The following SMIM28 variants were observed in gnomAD, a reference collection of about 807,000 sequenced individuals.
SMIM28 encodes the protein small integral membrane protein 28.
intron 1 of SMIM28, among the ~76,000 whole-genome samples, chr6:138,379,087 A>G (rs1774287475): frequency 6.6e-6 from 1 of 152,222 alleles, no homozygotes; most frequent in African/African-American, 2.4e-5. Context: ...TTGACTAAAA[A>G]AGACATCCTT....
Position 138,378,182 on chromosome 6 carries a change from AG to A in SMIM28, c.111+1del, listed in dbSNP as rs1774276039. The A allele has an allele frequency of 2.5e-6, 1 of 398,510 alleles. No individual in the cohort carries two copies. Among genetic ancestry groups the A allele is most frequent in the African/African-American group, 2.1e-5 (1 of 48,638 alleles). 24.7% of individuals were successfully genotyped at this position (398,510 alleles called of 1,614,324 possible). A position where few individuals can be genotyped will look rare whatever the true frequency, so the allele number is the denominator to read the frequency against. On this transcript the variant is annotated frameshift_variant and splice_region_variant, in exon 1 of 2. Transcript: ENST00000573100. LOFTEE classifies it low-confidence loss of function (END_TRUNC). ...CTGCCTCTCCTGGAGACCCAGCTGC[AG>A]GTCTGTACTTATGACTTAAGTCTTT... Reference protein sequence around the residue: ...PGLPLLETQLQGTQGVSSTQE... With the variant: ...PGLPLLETQLXGTQGVSSTQE...
At position 138,378,188 on chromosome 6, in the gene SMIM28, G is replaced by A. The variant is rs1447313729; in HGVS notation, c.111+5G>A. ...CTCCTGGAGACCCAGCTGCAGGTCT[G>A]TACTTATGACTTAAGTCTTTTCTTC... On this transcript the variant is annotated splice_donor_5th_base_variant and intron_variant, in intron 1 of 1. Coordinates refer to ENST00000573100, the MANE Select transcript of SMIM28 (RefSeq NM_001368163.3). The A allele has an allele frequency of 1.3e-5, 5 of 398,496 alleles. No homozygotes were observed. Among genetic ancestry groups the A allele is most frequent in the African/African-American group, 2.1e-5 (1 of 48,632 alleles). The allele number at this position is 398,496 out of a possible 1,614,324, so 24.7% of individuals were successfully genotyped here.
Position 138,382,768 on chromosome 6 carries a change from A to C in SMIM28, c.380A>C (p.Gln127Pro). The C allele has an allele frequency of 2.5e-6, 1 of 398,612 alleles. No individual in the cohort carries two copies. Among genetic ancestry groups the C allele is most frequent in the Non-Finnish European group, 4.4e-6 (1 of 226,124 alleles). The allele number at this position is 398,612 out of a possible 1,614,324, so 24.7% of individuals were successfully genotyped here. A position where few individuals can be genotyped will look rare whatever the true frequency, so the allele number is the denominator to read the frequency against. Reference protein sequence around the residue: ...PLPPEATLPSQCLPPSYEEAT... With the variant: ...PLPPEATLPSPCLPPSYEEAT... ...CCCCCGGAGGCCACTCTCCCCTCCC[A>C]GTGTTTACCGCCCTCCTACGAAGAG... Residue 127 changes from glutamine to proline, a missense_variant, in exon 2 of 2, where the codon CAG becomes CCG. Coordinates refer to ENST00000573100, the MANE Select transcript of SMIM28 (RefSeq NM_001368163.3).
At chr6:138,382,430 GAA>G (rs59488191) in intron 1 of SMIM28, 68 bp from the exon 2 acceptor site, 38,266 of 306,072 alleles carry the variant, frequency 0.13, 3,399 homozygotes, top group African/African-American at 0.38. Flanking sequence ...AAGAAAGAAA[GAA>G]AAAAAAAAAA....
intron 1 of SMIM28, among the ~76,000 whole-genome samples, chr6:138,378,458 GT>G (rs1173983210): frequency 1.3e-5 from 2 of 152,214 alleles, no homozygotes; most frequent in African/African-American, 4.8e-5. Flanking sequence ...GAAAGCAGCA[GT>G]CAACAGAGGT....
chr6:138,378,445 C>G (rs923803015), intron 1 of SMIM28, among the ~76,000 whole-genome samples: 1 of 152,176 alleles, frequency 6.6e-6, no homozygotes, highest in African/African-American at 2.4e-5. Flanking sequence ...TTGAAGAACA[C>G]CTGAAAGCAG....
At chr6:138,380,627 T>C (rs576468752) in intron 1 of SMIM28, among the ~76,000 whole-genome samples, 1,870 of 151,720 alleles carry the variant, frequency 0.012, 22 homozygotes, top group Admixed American at 0.021. Context: ...ATTAGCCGGG[T>C]GTGGTGGCGG....
rs1774332111 is a variant in SMIM28 at position 138,382,852 on chromosome 6, G to A, written c.*5G>A. On this transcript the variant is annotated 3_prime_UTR_variant, in exon 2 of 2. Transcript: ENST00000573100. The stretch of plus-strand genomic sequence containing the variant: ...GGATGCAGTCCTTCAGTATGAAAAG[G>A]GCTCACCTGGACTGGAAGAGCAAAA... 2.5e-6 allele frequency: 1 copy of A among 398,622 alleles called. No homozygotes were observed. The highest frequency in any genetic ancestry group is 4.4e-6 in the Non-Finnish European group (1 of 226,162). 24.7% of individuals were successfully genotyped at this position (398,622 alleles called of 1,614,324 possible). A position where few individuals can be genotyped will look rare whatever the true frequency, so the allele number is the denominator to read the frequency against.
intron 1 of SMIM28, among the ~76,000 whole-genome samples, chr6:138,378,729 G>A (rs1393541741): frequency 6.6e-6 from 1 of 152,064 alleles, no homozygotes; most frequent in African/African-American, 2.4e-5. Flanking sequence ...GCAGCACTAA[G>A]GACAAATATT....
chr6:138,382,668 C>A lies in SMIM28; in HGVS notation c.280C>A (p.Pro94Thr). 2.5e-6 allele frequency: 1 copy of A among 398,650 alleles called. No individual in the cohort carries two copies. The highest frequency in any genetic ancestry group is 4.4e-6 in the Non-Finnish European group (1 of 226,182). The allele number at this position is 398,650 out of a possible 1,614,324, so 24.7% of individuals were successfully genotyped here. Reference sequence around the variant, plus strand: ...GTTCAGCATTGACCTACCAGAGCACCCACCTGCAGGAGAGGTGACAGACCT... The same window carrying A: ...GTTCAGCATTGACCTACCAGAGCACACACCTGCAGGAGAGGTGACAGACCT... ...QVFSIDLPEH[P>T]PAGEVTDLLP... is the part of the protein sequence containing the mutation. Residue 94 changes from proline to threonine, a missense_variant, in exon 2 of 2, where the codon CCA becomes ACA. Coordinates refer to ENST00000573100, the MANE Select transcript of SMIM28 (RefSeq NM_001368163.3).
rs377660822 is a variant in SMIM28, at chr6:138,380,304, C to T, written c.111+2121C>T. On this transcript the variant is annotated intron_variant, in intron 1 of 1. Transcript: ENST00000573100. Reference sequence around the variant, plus strand: ...GATGATGCTCTGCTTCTCAAGAACACTATTTTTATGTTCTTTAAGCTAAAA... The same window carrying T: ...GATGATGCTCTGCTTCTCAAGAACATTATTTTTATGTTCTTTAAGCTAAAA... 1.1e-4 allele frequency among the ~76,000 whole-genome samples: 17 copies of T among 152,300 alleles called. 1 individual carries two copies. The highest frequency in any genetic ancestry group is 5.2e-4 in the Admixed American group (8 of 15,294).
Position 138,379,773 on chromosome 6 carries a change from T to A in SMIM28, c.111+1590T>A, listed in dbSNP as rs60741231. 2.0e-5 allele frequency among the ~76,000 whole-genome samples: 3 copies of A among 152,282 alleles called. No individual in the cohort carries two copies. In the East Asian group the frequency reaches 5.8e-4, roughly 29 times the overall value. On this transcript the variant is annotated intron_variant, in intron 1 of 1. Coordinates refer to ENST00000573100, the MANE Select transcript of SMIM28 (RefSeq NM_001368163.3). ...TGATTTCTTAATAATTATAGCAAAT[T>A]TATGAGTTCATCTACTCTTACAGTC... is the stretch of plus-strand genomic sequence containing the variant.
chr6:138,382,047 A>G (rs1419445963), intron 1 of SMIM28, among the ~76,000 whole-genome samples: 1 of 152,238 alleles, frequency 6.6e-6, no homozygotes, highest in Admixed American at 6.5e-5. Context: ...ATTTTTTAGA[A>G]TGAGTAATAA....
rs1774274231 is a variant in SMIM28, at chr6:138,378,059, A to T, written c.-14A>T. On this transcript the variant is annotated 5_prime_UTR_variant, in exon 1 of 2. Coordinates refer to ENST00000573100, the MANE Select transcript of SMIM28 (RefSeq NM_001368163.3). ...AAGGTGGAAGGGTGGCCAGGGCATC[A>T]GCTGGATGAAAACATGCGGGGACTG... 2.5e-6 allele frequency: 1 copy of T among 398,752 alleles called. No individual in the cohort carries two copies. Among genetic ancestry groups the T allele is most frequent in the African/African-American group, 2.1e-5 (1 of 48,642 alleles). 24.7% of individuals were successfully genotyped at this position (398,752 alleles called of 1,614,324 possible).
chr6:138,382,581 C>A lies in SMIM28; in HGVS notation c.193C>A (p.Leu65Met), dbSNP rs1774326814. ...ILLPATILLFLAFLLLFLYRR... is the reference protein window; with the variant it reads ...ILLPATILLFMAFLLLFLYRR... ...TCTGCCGGCCACCATCCTGCTCTTC[C>A]TGGCATTTCTGCTGCTGTTCCTGTA... Residue 65 changes from leucine (L) to methionine (M), a missense_variant, in exon 2 of 2, where the codon CTG (leucine) becomes ATG (methionine). Coordinates refer to ENST00000573100, the MANE Select transcript of SMIM28 (RefSeq NM_001368163.3). The A allele has an allele frequency of 2.5e-6, 1 of 399,212 alleles. No individual in the cohort carries two copies. Among genetic ancestry groups the A allele is most frequent in the Admixed American group, 4.4e-5 (1 of 22,736 alleles). 24.7% of individuals were successfully genotyped at this position (399,212 alleles called of 1,614,324 possible).
intron 1 of SMIM28, 89 bp from the exon 2 acceptor site, chr6:138,382,411 A>T (rs1774323571): frequency 2.9e-6 from 1 of 349,488 alleles, no homozygotes; most frequent in African/African-American, 2.3e-5. Context: ...AAAAAAAAAA[A>T]AAAAAAGAAA....
intron 1 of SMIM28, among the ~76,000 whole-genome samples, chr6:138,379,910 A>T (rs1733588344): frequency 6.6e-6 from 1 of 152,208 alleles, no homozygotes; most frequent in South Asian, 2.1e-4. Flanking sequence ...GAAATTTAAC[A>T]ATCGCATACA....
intron 1 of SMIM28, among the ~76,000 whole-genome samples, chr6:138,378,580 G>A (rs1774281969): frequency 6.6e-6 from 1 of 152,150 alleles, no homozygotes; most frequent in African/African-American, 2.4e-5. Context: ...ATTAACCACT[G>A]TTTTTAAGTG....
intron 1 of SMIM28, 88 bp from the exon 2 acceptor site, chr6:138,382,412 A>AG: frequency 2.8e-6 from 1 of 354,258 alleles, no homozygotes; most frequent in Non-Finnish European, 5.0e-6. Flanking sequence ...AAAAAAAAAA[A>AG]AAAAAGAAAG....
Sources: gnomAD v4.1 joint callset for allele counts (sites outside exome capture counted in the v4.1 genomes callset) on GRCh38, gnomAD v4.1.1 for gene constraint, MANE v1.5 for transcripts, NCBI Gene and HGNC (gene_info 2026-07-23, HGNC 2026-07-21) for gene names.